Variants in RABEP1 observed in about 807,000 individuals in gnomAD.
The protein encoded by RABEP1 is rab GTPase-binding effector protein 1.
In RABEP1, 51 loss-of-function variants were observed where a neutral mutation model predicts 123.4. The observed-to-expected ratio is 0.41, with a 90% confidence interval of 0.33 to 0.52. RABEP1 has a LOEUF of 0.52. Among genes scored for constraint, RABEP1 ranks in the 20% least tolerant of loss-of-function variants. The pLI, the probability that RABEP1 is intolerant of heterozygous loss-of-function variation, is 0.16. For synonymous variants in RABEP1, 347 were observed against 355.2 expected, an observed-to-expected ratio of 0.98 and a Z score of 0.26; for missense variants, 888 against 996.3, an observed-to-expected ratio of 0.89 and a Z score of 1.46.
intron 11 of RABEP1, among the ~76,000 whole-genome samples, chr17:5,367,458 A>G (rs1475729553): frequency 1.3e-5 from 2 of 151,638 alleles, no homozygotes; most frequent in East Asian, 3.9e-4. Flanking sequence ...TTTAGTAGAG[A>G]CGGGGTTTCA....
At chr17:5,350,825 G>A (rs1376576648) in intron 7 of RABEP1, among the ~76,000 whole-genome samples, 196 bp downstream of exon 7, 2 of 152,070 alleles carry the variant, frequency 1.3e-5, no homozygotes, top group Non-Finnish European at 2.9e-5. Context: ...CTCCTCTCGG[G>A]GGTGGGGAAA....
At chr17:5,349,218 C>T (rs1341656754) in intron 6 of RABEP1, among the ~76,000 whole-genome samples, 2 of 152,252 alleles carry the variant, frequency 1.3e-5, no homozygotes, top group East Asian at 1.9e-4. Flanking sequence ...TTAGAAAGTT[C>T]AGTCTCATAG....
chr17:5,349,505 AT>A (rs1241029276), intron 6 of RABEP1, among the ~76,000 whole-genome samples: 1 of 152,192 alleles, frequency 6.6e-6, no homozygotes, highest in Non-Finnish European at 1.5e-5. Context: ...GGCTGAGCTG[AT>A]GAGTATCAAC....
At chr17:5,332,228 T>A in intron 3 of RABEP1, 76 bp downstream of exon 3, 1 of 1,350,038 alleles carries the variant, frequency 7.4e-7, no homozygotes, top group Non-Finnish European at 1.0e-6. Flanking sequence ...TTTCAGAGAA[T>A]CTTAAAATAT....
chr17:5,377,232 A>G lies in RABEP1; in HGVS notation c.2142A>G (p.Gln714=). The part of the protein sequence containing the change: ...AEILFLKEQI[Q]AEQCLKENLE... ...TACTTTTCCTAAAAGAGCAGATCCA[A>G]GCAGAACAGTGTTTAAAAGAAAATC... Residue 714 remains glutamine (Q), a synonymous_variant, in exon 14 of 18, where the codon CAA becomes CAG. Transcript: ENST00000537505. 3 of 1,610,218 alleles carry G rather than the reference A, an allele frequency of 1.9e-6. No individual in the cohort carries two copies. The highest frequency in any genetic ancestry group is 2.5e-6 in the Non-Finnish European group (3 of 1,179,278).
At chr17:5,317,518 A>G (rs1420318134) in intron 2 of RABEP1, among the ~76,000 whole-genome samples, 11 of 152,150 alleles carry the variant, frequency 7.2e-5, no homozygotes. Flanking sequence ...CAGGACAATT[A>G]TGTACACTCT....
chr17:5,304,425 C>CA (rs1012562631), intron 1 of RABEP1, among the ~76,000 whole-genome samples: 6 of 151,336 alleles, frequency 4.0e-5, no homozygotes, highest in African/African-American at 7.3e-5. Context: ...ACTAAAAATA[C>CA]AAAAAAATTA....
chr17:5,361,438 G>A lies in RABEP1; in HGVS notation c.1326G>A (p.Leu442=). 1.2e-6 allele frequency: 2 copies of A among 1,614,146 alleles called. No individual in the cohort carries two copies. Among genetic ancestry groups the A allele is most frequent in the Non-Finnish European group, 1.7e-6 (2 of 1,180,018 alleles). Residue 442 remains leucine, a synonymous_variant, in exon 9 of 18, where the codon CTG becomes CTA. Transcript: ENST00000537505. The part of the protein sequence containing the change: ...GNLDESDFGP[L]VGADSVSENF... Reference sequence around the variant, plus strand: ...TGGACGAGTCAGATTTTGGACCACTGGTAGGAGCAGATTCAGTGTCTGAGA... The same window carrying A: ...TGGACGAGTCAGATTTTGGACCACTAGTAGGAGCAGATTCAGTGTCTGAGA...
chr17:5,315,816 C>T (rs1335191088), intron 2 of RABEP1, among the ~76,000 whole-genome samples: 2 of 152,146 alleles, frequency 1.3e-5, no homozygotes, highest in Admixed American at 6.5e-5. Flanking sequence ...TGCAGCACTG[C>T]ACTCCAGCCT....
intron 15 of RABEP1, among the ~76,000 whole-genome samples, chr17:5,379,079 C>T (rs1298893586): frequency 6.6e-6 from 1 of 152,148 alleles, no homozygotes; most frequent in African/African-American, 2.4e-5. Flanking sequence ...CTCATGCAGC[C>T]TTTCATGTGT....
At chr17:5,348,829 G>A (rs1282837588) in intron 6 of RABEP1, among the ~76,000 whole-genome samples, 1 of 152,152 alleles carries the variant, frequency 6.6e-6, no homozygotes, top group Non-Finnish European at 1.5e-5. Context: ...CCAGAGTGGT[G>A]GGATTACAGG....
chr17:5,316,449 CAA>C (rs386385498), intron 2 of RABEP1, among the ~76,000 whole-genome samples: 8 of 28,580 alleles, frequency 2.8e-4, no homozygotes, highest in South Asian at 2.8e-3. Context: ...GACTCTGTCT[CAA>C]AAAAAAAAAA....
At chr17:5,344,212 T>C (rs1055913021) in intron 5 of RABEP1, among the ~76,000 whole-genome samples, 1 of 152,118 alleles carries the variant, frequency 6.6e-6, no homozygotes, top group Non-Finnish European at 1.5e-5. Flanking sequence ...TCCCAGTATT[T>C]AGATTGCTTG....
At chr17:5,288,554 C>T (rs1204213718) in intron 1 of RABEP1, among the ~76,000 whole-genome samples, 1 of 152,018 alleles carries the variant, frequency 6.6e-6, no homozygotes, top group Non-Finnish European at 1.5e-5. Flanking sequence ...TGCTGCCATG[C>T]TCGGCTAATT....
chr17:5,287,445 A>C (rs2074989226), intron 1 of RABEP1, among the ~76,000 whole-genome samples: 1 of 151,814 alleles, frequency 6.6e-6, no homozygotes, highest in South Asian at 2.1e-4. Flanking sequence ...CTAAAAATAC[A>C]AAAATTAGTC....
intron 1 of RABEP1, among the ~76,000 whole-genome samples, chr17:5,294,153 T>G (rs1364622369): frequency 6.6e-6 from 1 of 152,120 alleles, no homozygotes; most frequent in Non-Finnish European, 1.5e-5. Context: ...AAATAAACCC[T>G]TTGGGAGGCT....
chr17:5,349,346 A>G (rs765207164), intron 6 of RABEP1, among the ~76,000 whole-genome samples: 1 of 152,200 alleles, frequency 6.6e-6, no homozygotes, highest in Non-Finnish European at 1.5e-5. Flanking sequence ...GAAGATAGAT[A>G]TATCATATTG....
intron 1 of RABEP1, among the ~76,000 whole-genome samples, chr17:5,294,429 G>A (rs114421711): frequency 0.021 from 3,254 of 151,836 alleles, 116 homozygotes; most frequent in African/African-American, 0.073. Flanking sequence ...AAAAAATGCA[G>A]TATGACAACT....
chr17:5,367,407 G>T (rs189697277), intron 11 of RABEP1, among the ~76,000 whole-genome samples: 2 of 150,298 alleles, frequency 1.3e-5, no homozygotes, highest in Non-Finnish European at 3.0e-5. Flanking sequence ...GAGTAGCTGG[G>T]ACTACAGGCA....
Sources: allele counts gnomAD v4.1 joint callset (sites outside exome capture counted in the v4.1 genomes callset), GRCh38; gene constraint gnomAD v4.1.1; transcripts MANE v1.5; gene names NCBI Gene and HGNC (gene_info 2026-07-23, HGNC 2026-07-21).